The following WDR33 variants were observed in gnomAD, a reference collection of about 807,000 sequenced individuals.
WDR33 encodes the protein WD repeat domain 33, also known as pre-mRNA 3' end processing protein WDR33.
A neutral mutation model predicts 164.9 loss-of-function variants in WDR33; 47 were observed. That is an observed-to-expected ratio of 0.29 (90% confidence interval 0.23 to 0.36). WDR33 has a LOEUF of 0.36. WDR33 is among the 10% of genes least tolerant of loss of function. The pLI is 1.00. For synonymous variants in WDR33, 505 were observed against 589.0 expected (o/e 0.86, Z 2.06); for missense variants, 1,137 against 1,754.1 (o/e 0.65, Z 6.28).
intron 7 of WDR33, among the ~76,000 whole-genome samples, chr2:127,729,932 A>C (rs1686662394): frequency 6.6e-6 from 1 of 152,244 alleles, no homozygotes; most frequent in African/African-American, 2.4e-5. Flanking sequence ...GTAGCATGCT[A>C]ACATTTAGAA....
rs749720142 is a variant in WDR33 at position 127,706,358 on chromosome 2, G to T, written c.3976C>A (p.Arg1326=). 23 of 1,596,168 alleles carry T rather than the reference G, an allele frequency of 1.4e-5. No individual in the cohort carries two copies. Among genetic ancestry groups the T allele is most frequent in the Non-Finnish European group, 6.0e-6 (7 of 1,170,720 alleles). The change falls in exon 22 of 22, where the codon CGA becomes AGA. Residue 1326 remains arginine, a synonymous_variant. Coordinates refer to ENST00000322313, the MANE Select transcript of WDR33 (RefSeq NM_018383.5). The surrounding 1 kb of genome is among the most constrained non-coding windows in gnomAD (Gnocchi z 5.1). ...GSNMNSGPPR[R]GASRGGGRGR Reference sequence around the variant, plus strand: ...CTTCCACCACCCCGTGAAGCTCCTCGCCTCGGCGGGCCAGAGTTCATGTTA... The same window carrying T: ...CTTCCACCACCCCGTGAAGCTCCTCTCCTCGGCGGGCCAGAGTTCATGTTA...
chr2:127,761,321 C>A (rs1216501229), intron 7 of WDR33, among the ~76,000 whole-genome samples: 5 of 152,070 alleles, frequency 3.3e-5, no homozygotes, highest in Non-Finnish European at 5.9e-5. Flanking sequence ...CTGCCTCAGC[C>A]TCCCGAGTAG....
chr2:127,703,499 C>T lies in WDR33; in HGVS notation c.*2824G>A, dbSNP rs1685941709. ...TTTATGTTCCTAAGTAAGTCAGGTC[C>T]CTAAGCCCCGTCCCAAGAAGTGACA... is the stretch of plus-strand genomic sequence containing the variant. On this transcript the variant is annotated 3_prime_UTR_variant, in exon 22 of 22. Transcript: ENST00000322313. 6.0e-6 allele frequency: 1 copy of T among 167,068 alleles called. No homozygotes were observed. The highest frequency in any genetic ancestry group is 1.5e-5 in the Non-Finnish European group (1 of 68,162). The allele number at this position is 167,068 out of a possible 1,614,324, so 10.3% of individuals were successfully genotyped here.
At position 127,713,654 on chromosome 2, in the gene WDR33, G is replaced by A; in HGVS notation, c.3237C>T (p.Gly1079=). The A allele has an allele frequency of 6.2e-7, 1 of 1,614,250 alleles. No individual in the cohort carries two copies. Among genetic ancestry groups the A allele is most frequent in the South Asian group, 1.1e-5 (1 of 91,086 alleles). ...AARGPPGAWE[G]RRPGDERFPR... is the part of the protein sequence containing the mutation. ...GGAAACGTTCATCTCCGGGCCTGCG[G>A]CCTTCCCATGCCCCCGGAGGGCCTC... Residue 1079 remains glycine (G), a synonymous_variant, in exon 18 of 22, where the codon GGC becomes GGT. Coordinates refer to ENST00000322313, the MANE Select transcript of WDR33 (RefSeq NM_018383.5). The surrounding 1 kb of genome is among the most constrained non-coding windows in gnomAD (Gnocchi z 6.2).
chr2:127,713,377 A>T lies in WDR33; in HGVS notation c.3308+206T>A, dbSNP rs1217730379. Among the ~76,000 whole-genome samples, 2 of 152,236 alleles carry T rather than the reference A, an allele frequency of 1.3e-5. No homozygotes were observed. The highest frequency in any genetic ancestry group is 2.9e-5 in the Non-Finnish European group (2 of 68,044). The stretch of plus-strand genomic sequence containing the variant: ...TATAAAAAAATAAACAAAACGAAAA[A>T]GATTTCTAGACAGCAAAGATTAAAA... On this transcript the variant is annotated intron_variant, in intron 18 of 21. Transcript: ENST00000322313. The surrounding 1 kb of genome is among the most constrained non-coding windows in gnomAD (Gnocchi z 6.2).
rs890631404 is a variant in WDR33, at chr2:127,762,941, C to T, written c.724+121G>A. On this transcript the variant is annotated intron_variant, in intron 7 of 21. Coordinates refer to ENST00000322313, the MANE Select transcript of WDR33 (RefSeq NM_018383.5). ...CTGGGTTTTTTTGAAGAGCCTGAGA[C>T]GGTGTGTATATGTAAAAAAAATTGA... is the stretch of plus-strand genomic sequence containing the variant. 3.5e-5 allele frequency: 53 copies of T among 1,500,750 alleles called. 1 individual carries two copies. In the Admixed American group the frequency reaches 5.4e-4, roughly 15 times the overall value. The allele number at this position is 1,500,750 out of a possible 1,614,324, so 93.0% of individuals were successfully genotyped here. A position where few individuals can be genotyped will look rare whatever the true frequency, so the allele number is the denominator to read the frequency against.
At chr2:127,810,726 G>A (rs1336391333) in intron 1 of WDR33, 1 of 152,260 alleles carries the variant, frequency 6.6e-6, no homozygotes, top group Non-Finnish European at 1.5e-5. Flanking sequence ...CAAACTTCAC[G>A]TCTTAACTGT....
In WDR33 at chr2:127,713,250, A is replaced by G. The variant is rs1283340130; in HGVS notation, c.3308+333T>C. On this transcript the variant is annotated intron_variant, in intron 18 of 21. Transcript: ENST00000322313. The surrounding 1 kb of genome is among the most constrained non-coding windows in gnomAD (Gnocchi z 6.2). The stretch of plus-strand genomic sequence containing the variant: ...TATTTCCAATCTAGGTAGCTGCCTC[A>G]TATTTCCTTATTCTAATCAAGAAGA... Among the ~76,000 whole-genome samples, 3 of 152,204 alleles carry G rather than the reference A, an allele frequency of 2.0e-5. No individual in the cohort carries two copies. In the South Asian group the frequency reaches 6.2e-4, roughly 32 times the overall value.
At position 127,714,066 on chromosome 2, in the gene WDR33, T is replaced by C. The variant is rs772577254; in HGVS notation, c.2870-45A>G. ...CTTTTACCATGTCTTCCAGGAAACC[T>C]GCCAACATAGGTCTGATCTGTAGCA... is the stretch of plus-strand genomic sequence containing the variant. On this transcript the variant is annotated intron_variant, in intron 17 of 21. Coordinates refer to ENST00000322313, the MANE Select transcript of WDR33 (RefSeq NM_018383.5). The surrounding 1 kb of genome is among the most constrained non-coding windows in gnomAD (Gnocchi z 4.3). The C allele has an allele frequency of 1.4e-5, 21 of 1,480,234 alleles. No individual in the cohort carries two copies. Among genetic ancestry groups the C allele is most frequent in the Non-Finnish European group, 3.6e-6 (4 of 1,119,448 alleles). 91.7% of individuals were successfully genotyped at this position (1,480,234 alleles called of 1,614,324 possible). A position where few individuals can be genotyped will look rare whatever the true frequency, so the allele number is the denominator to read the frequency against.
rs537561446 is a variant in WDR33 at position 127,701,374 on chromosome 2, A to C, written c.*4949T>G. On this transcript the variant is annotated 3_prime_UTR_variant, in exon 22 of 22. Transcript: ENST00000322313. Reference sequence around the variant, plus strand: ...ACCACGGTACTTGGGGACACCACAAAAGTCCGCAGAGCAGGCACCGCGGCA... The same window carrying C: ...ACCACGGTACTTGGGGACACCACAACAGTCCGCAGAGCAGGCACCGCGGCA... 12 of 686,402 alleles carry C rather than the reference A, an allele frequency of 1.7e-5. No individual in the cohort carries two copies. The allele number at this position is 686,402 out of a possible 1,614,324, so 42.5% of individuals were successfully genotyped here. A position where few individuals can be genotyped will look rare whatever the true frequency, so the allele number is the denominator to read the frequency against.
At position 127,721,392 on chromosome 2, in the gene WDR33, GCCA is replaced by G. The variant is rs1352870504; in HGVS notation, c.1671+441_1671+443del. ...CAAAGTGCTGGGATTACAGGTGTAAGCCACCACGCCTGACCCTAATTGGGTTTT... is the reference window on the plus strand; with the variant it reads ...CAAAGTGCTGGGATTACAGGTGTAAGCCACGCCTGACCCTAATTGGGTTTT... On this transcript the variant is annotated intron_variant, in intron 15 of 21. Transcript: ENST00000322313. This position sits in a 1 kb window ranked among gnomAD's most constrained non-coding sequence, Gnocchi z 4.9. Among the ~76,000 whole-genome samples, 2 of 152,164 alleles carry G rather than the reference GCCA, an allele frequency of 1.3e-5. No homozygotes were observed. Among genetic ancestry groups the G allele is most frequent in the African/African-American group, 4.8e-5 (2 of 41,438 alleles).
In WDR33 at chr2:127,726,343, C is replaced by T. The variant is rs549805204; in HGVS notation, c.851+308G>A. ...GCACACACGTCAACTCCTCACAGTGCCACAAGGTATTCTGATGACAGGCAA... is the reference window on the plus strand; with the variant it reads ...GCACACACGTCAACTCCTCACAGTGTCACAAGGTATTCTGATGACAGGCAA... On this transcript the variant is annotated intron_variant, in intron 8 of 21. Transcript: ENST00000322313. The surrounding 1 kb of genome is among the most constrained non-coding windows in gnomAD (Gnocchi z 4.8). Among the ~76,000 whole-genome samples, 1 of 152,256 alleles carries T rather than the reference C, an allele frequency of 6.6e-6. No homozygotes were observed. Among genetic ancestry groups the T allele is most frequent in the East Asian group, 1.9e-4 (1 of 5,184 alleles).
chr2:127,735,373 A>C lies in WDR33; in HGVS notation c.725-8596T>G. ...TCCATAGGATCCCAAAGCTCGGTGA[A>C]CAGTCTGAAAACCAATACATAATAA... On this transcript the variant is annotated intron_variant, in intron 7 of 21. Coordinates refer to ENST00000322313, the MANE Select transcript of WDR33 (RefSeq NM_018383.5). This position sits in a 1 kb window ranked among gnomAD's most constrained non-coding sequence, Gnocchi z 4.3. The C allele has an allele frequency of 1.0e-6, 1 of 985,752 alleles. No homozygotes were observed. The highest frequency in any genetic ancestry group is 4.7e-5 in the South Asian group (1 of 21,284). The allele number at this position is 985,752 out of a possible 1,614,324, so 61.1% of individuals were successfully genotyped here. A position where few individuals can be genotyped will look rare whatever the true frequency, so the allele number is the denominator to read the frequency against.
At position 127,805,068 on chromosome 2, in the gene WDR33, CTTTTTTTT is replaced by C. The variant is rs201681607; in HGVS notation, c.-24+5936_-24+5943del. ...CGTATCATCACCTGTGAAGTTTTTT[CTTTTTTTT>C]TTTTTTTTTTTTTTTTTTTTTGAGA... On this transcript the variant is annotated intron_variant, in intron 1 of 21. Transcript: ENST00000322313. Among the ~76,000 whole-genome samples the C allele has an allele frequency of 7.3e-3, 617 of 84,364 alleles. 1 individual carries two copies. The highest frequency in any genetic ancestry group is 0.011 in the Non-Finnish European group (480 of 44,898). The allele number at this position is 84,364 out of a possible 152,430, so 55.3% of individuals were successfully genotyped here.
intron 1 of WDR33, among the ~76,000 whole-genome samples, chr2:127,809,305 G>A (rs1428019792): frequency 6.6e-6 from 1 of 151,768 alleles, no homozygotes; most frequent in African/African-American, 2.4e-5. Context: ...ATATAAAACC[G>A]TGATGGCAAA....
rs1386036941 is a variant in WDR33, at chr2:127,726,472, TTCATTAAGAGTTCAGAGATGAA to T, written c.851+157_851+178del. Reference sequence around the variant, plus strand: ...GTGGCAGGACAAAAACAAGCCTTACTTCATTAAGAGTTCAGAGATGAATCATATTTAATTCATAAGAAGTCTA... The same window carrying T: ...GTGGCAGGACAAAAACAAGCCTTACTTCATATTTAATTCATAAGAAGTCTA... On this transcript the variant is annotated intron_variant, in intron 8 of 21. Coordinates refer to ENST00000322313, the MANE Select transcript of WDR33 (RefSeq NM_018383.5). This position sits in a 1 kb window ranked among gnomAD's most constrained non-coding sequence, Gnocchi z 4.8. Among the ~76,000 whole-genome samples the T allele has an allele frequency of 6.6e-5, 10 of 152,240 alleles. No homozygotes were observed. The highest frequency in any genetic ancestry group is 2.4e-4 in the African/African-American group (10 of 41,466).
At chr2:127,755,036 C>A (rs1207284012) in intron 7 of WDR33, among the ~76,000 whole-genome samples, 1 of 152,216 alleles carries the variant, frequency 6.6e-6, no homozygotes, top group South Asian at 2.1e-4. Context: ...GAACATGACA[C>A]CTCAAGAGTT....
chr2:127,706,626 T>C lies in WDR33; in HGVS notation c.3782-74A>G, dbSNP rs1475815257. ...TGTCAGTAACTCCCAGTACAAACTTTACTCTCTGATGACAATGGACCAGTT... is the reference window on the plus strand; with the variant it reads ...TGTCAGTAACTCCCAGTACAAACTTCACTCTCTGATGACAATGGACCAGTT... On this transcript the variant is annotated intron_variant, in intron 21 of 21. Coordinates refer to ENST00000322313, the MANE Select transcript of WDR33 (RefSeq NM_018383.5). The surrounding 1 kb of genome is among the most constrained non-coding windows in gnomAD (Gnocchi z 5.1). 1.2e-5 allele frequency: 17 copies of C among 1,368,970 alleles called. No individual in the cohort carries two copies. Among genetic ancestry groups the C allele is most frequent in the Non-Finnish European group, 1.6e-5 (16 of 995,344 alleles). 84.8% of individuals were successfully genotyped at this position (1,368,970 alleles called of 1,614,324 possible). A position where few individuals can be genotyped will look rare whatever the true frequency, so the allele number is the denominator to read the frequency against.
intron 1 of WDR33, among the ~76,000 whole-genome samples, chr2:127,791,488 C>T (rs1688844297): frequency 6.6e-6 from 1 of 152,100 alleles, no homozygotes; most frequent in South Asian, 2.1e-4. Flanking sequence ...TGAGGGCTCT[C>T]TTTCTGGCTT....
Sources: gnomAD v4.1 joint callset for allele counts (sites outside exome capture counted in the v4.1 genomes callset) on GRCh38, gnomAD v4.1.1 for gene constraint, Gnocchi (gnomAD v3.1) non-coding constraint, MANE v1.5 for transcripts, NCBI Gene and HGNC (gene_info 2026-07-23, HGNC 2026-07-21) for gene names.